Variants in GRK6 observed in about 807,000 individuals in gnomAD.
GRK6 encodes the protein G protein-coupled receptor kinase 6.
Under a neutral mutation model 80.8 loss-of-function variants are expected in GRK6, and 37 were observed. The observed-to-expected ratio is 0.46, with a 90% CI of 0.35 to 0.60. The LOEUF (loss-of-function observed/expected upper bound fraction) is 0.60, where lower values mean the gene tolerates loss of function less well. Among genes scored for constraint, GRK6 ranks in the 20% least tolerant of loss-of-function variants. The pLI is 0.00. For missense variants in GRK6, 560 were observed against 784.6 expected (o/e 0.71, Z 3.42); for synonymous variants, 295 against 320.9 (o/e 0.92, Z 0.86).
chr5:177,426,258 A>T (rs967196711), upstream of GRK6, among the ~76,000 whole-genome samples: 1 of 152,248 alleles, frequency 6.6e-6, no homozygotes, highest in African/African-American at 2.4e-5. Flanking sequence ...TCTGCGAGCC[A>T]AAGGCCGCCG....
At position 177,433,587 on chromosome 5, in the gene GRK6, C is replaced by G. The variant is rs1481279014; in HGVS notation, c.649C>G (p.Leu217Val). 6.2e-7 allele frequency: 1 copy of G among 1,613,952 alleles called. No homozygotes were observed. Residue 217 changes from leucine to valine, a missense_variant, in exon 8 of 16, where the codon CTA (leucine) becomes GTA (valine). Transcript: ENST00000355472. ...ATGKMYACKK[L>V]EKKRIKKRKG... ...AGGTAAGATGTATGCCTGCAAGAAG[C>G]TAGAGAAAAAGCGGATCAAGAAGCG...
chr5:177,441,075 C>G (rs1411698155), intron 15 of GRK6, 22 bp downstream of exon 15: 5 of 1,611,800 alleles, frequency 3.1e-6, no homozygotes, highest in Non-Finnish European at 4.2e-6. Context: ...CAGCGGCCTA[C>G]CTGGGCCCCT....
In GRK6 at chr5:177,434,024, C is replaced by T. The variant is rs772133789; in HGVS notation, c.849C>T (p.Phe283=). The change falls in exon 9 of 16, where the codon TTC becomes TTT. Residue 283 remains phenylalanine, a synonymous_variant. Transcript: ENST00000355472. ...FHIYHMGQAG[F]PEARAVFYAA... ...TCTACCACATGGGCCAGGCTGGCTTCCCCGAAGCGCGGGCCGTCTTCTACG... is the reference window on the plus strand; with the variant it reads ...TCTACCACATGGGCCAGGCTGGCTTTCCCGAAGCGCGGGCCGTCTTCTACG... 1.1e-5 allele frequency: 17 copies of T among 1,612,392 alleles called. No homozygotes were observed. In the South Asian group the frequency reaches 1.9e-4, roughly 18 times the overall value.
chr5:177,440,622 G>T, intron 13 of GRK6, 78 bp from the exon 14 acceptor site: 1 of 1,559,846 alleles, frequency 6.4e-7, no homozygotes, highest in South Asian at 1.2e-5. Flanking sequence ...GCCAAGACCC[G>T]AGGCAGAATC....
chr5:177,436,862 G>C (rs761472068), intron 13 of GRK6, among the ~76,000 whole-genome samples: 1 of 152,106 alleles, frequency 6.6e-6, no homozygotes, highest in Non-Finnish European at 1.5e-5. Context: ...CACCACAGTA[G>C]ACAGAGAGCT....
chr5:177,436,166 C>T lies in GRK6; in HGVS notation c.1151C>T (p.Pro384Leu), dbSNP rs1412602319. The T allele has an allele frequency of 1.2e-6, 2 of 1,614,074 alleles. No homozygotes were observed. Among genetic ancestry groups the T allele is most frequent in the Non-Finnish European group, 1.7e-6 (2 of 1,180,036 alleles). The change falls in exon 12 of 16, where the codon CCC becomes CTC. Residue 384 changes from proline (P) to leucine (L), a missense_variant. This residue lies in a region of GRK6 where 294 missense variants were observed against 397.4 expected (regional missense o/e 0.74). Coordinates refer to ENST00000355472, the MANE Select transcript of GRK6 (RefSeq NM_001004106.3). ...TACGAGATGATCGCAGGCCAGTCGC[C>T]CTTCCAGCAGAGGAAGAAGAAGATC... is the stretch of plus-strand genomic sequence containing the variant. ...LLYEMIAGQS[P>L]FQQRKKKIKR...
chr5:177,429,432 G>A lies in GRK6; in HGVS notation c.53-1440G>A, dbSNP rs1480276974. Among the ~76,000 whole-genome samples the A allele has an allele frequency of 6.6e-6, 1 of 152,186 alleles. No homozygotes were observed. The highest frequency in any genetic ancestry group is 2.4e-5 in the African/African-American group (1 of 41,442). On this transcript the variant is annotated intron_variant, in intron 1 of 15. Coordinates refer to ENST00000355472, the MANE Select transcript of GRK6 (RefSeq NM_001004106.3). This position sits in a 1 kb window ranked among gnomAD's most constrained non-coding sequence, Gnocchi z 4.3. Reference sequence around the variant, plus strand: ...GTGGGAGGCTGGCGGATGGAGGGTTGGGTGAGGGACCTGTGGGTGTGGGGG... The same window carrying A: ...GTGGGAGGCTGGCGGATGGAGGGTTAGGTGAGGGACCTGTGGGTGTGGGGG...
At chr5:177,438,203 T>C (rs907317566) in intron 13 of GRK6, among the ~76,000 whole-genome samples, 16 of 152,080 alleles carry the variant, frequency 1.1e-4, no homozygotes, top group African/African-American at 3.6e-4. Context: ...ACCCCATCTC[T>C]ACTAAAAATA....
At position 177,433,862 on chromosome 5, in the gene GRK6, C is replaced by T. The variant is rs540425575; in HGVS notation, c.739-52C>T. 2,235 of 1,508,022 alleles carry T rather than the reference C, an allele frequency of 1.5e-3. 3 individuals are homozygous for T. Among genetic ancestry groups the T allele is most frequent in the Non-Finnish European group, 1.8e-3 (2,041 of 1,126,986 alleles). The allele number at this position is 1,508,022 out of a possible 1,614,324, so 93.4% of individuals were successfully genotyped here. The stretch of plus-strand genomic sequence containing the variant: ...AGAAGGCTTTTTTGGGCAGCCCTGC[C>T]GCCAAGCGCCCCGCAGCTCCTGCCT... On this transcript the variant is annotated intron_variant, in intron 8 of 15. Coordinates refer to ENST00000355472, the MANE Select transcript of GRK6 (RefSeq NM_001004106.3).
At chr5:177,441,715 C>G (rs749166084) in intron 15 of GRK6, 22 bp from the exon 16 acceptor site, 1 of 1,592,004 alleles carries the variant, frequency 6.3e-7, no homozygotes, top group Non-Finnish European at 8.6e-7. Context: ...TCCCTCCCTC[C>G]GTGTCTTCCC....
chr5:177,436,562 G>A (rs750561709), intron 13 of GRK6, 32 bp downstream of exon 13: 14 of 1,533,176 alleles, frequency 9.1e-6, no homozygotes, highest in Admixed American at 2.0e-5. Flanking sequence ...TGAGGGCGGG[G>A]CCCAGCCAGG....
At chr5:177,431,907 TG>T (rs1763908219) in intron 2 of GRK6, 87 bp from the exon 3 acceptor site, 3 of 1,140,896 alleles carry the variant, frequency 2.6e-6, no homozygotes, top group African/African-American at 3.0e-5. Flanking sequence ...GAAGCTGTTG[TG>T]GGGGCCCAGG....
intron 13 of GRK6, among the ~76,000 whole-genome samples, chr5:177,439,650 A>G (rs533787533): frequency 5.9e-5 from 9 of 152,066 alleles, no homozygotes; most frequent in Non-Finnish European, 8.8e-5. Context: ...AAAAAAAAAA[A>G]AACCCATACC....
At chr5:177,441,201 TC>T in intron 15 of GRK6, 148 bp downstream of exon 15, 1 of 1,478,442 alleles carries the variant, frequency 6.8e-7, no homozygotes, top group Non-Finnish European at 9.3e-7. Context: ...TTCCCGCCTG[TC>T]CCCCACCCCT....
chr5:177,433,768 C>T, intron 8 of GRK6, 92 bp downstream of exon 8: 1 of 1,550,122 alleles, frequency 6.5e-7, no homozygotes, highest in Admixed American at 1.8e-5. Flanking sequence ...ATGTGGGATG[C>T]CAGGAAGGGC....
At chr5:177,434,412 C>T (rs998523710) in intron 9 of GRK6, among the ~76,000 whole-genome samples, 2 of 152,184 alleles carry the variant, frequency 1.3e-5, no homozygotes, top group African/African-American at 4.8e-5. Flanking sequence ...GACTATAATT[C>T]CTACTTCCCA....
At chr5:177,433,004 C>G in intron 5 of GRK6, 143 bp from the exon 6 acceptor site, 1 of 793,892 alleles carries the variant, frequency 1.3e-6, no homozygotes. Context: ...TGTGTGTCTC[C>G]CCGCTCAGGG....
At chr5:177,427,609 A>T (rs1470241642) in intron 1 of GRK6, among the ~76,000 whole-genome samples, 1 of 152,164 alleles carries the variant, frequency 6.6e-6, no homozygotes, top group African/African-American at 2.4e-5. Flanking sequence ...AGATGTTATC[A>T]GGCACTTGCT....
chr5:177,435,166 C>T (rs1301624159), intron 11 of GRK6, 45 bp downstream of exon 11: 11 of 1,431,224 alleles, frequency 7.7e-6, no homozygotes, highest in Non-Finnish European at 1.1e-5. Flanking sequence ...GGTTCCCTCA[C>T]TATCCACCCA....
Sources: gnomAD v4.1 joint callset for allele counts (sites outside exome capture counted in the v4.1 genomes callset) on GRCh38, gnomAD v4.1.1 for gene constraint, gnomAD v4.1.1 regional missense constraint, Gnocchi (gnomAD v3.1) non-coding constraint, MANE v1.5 for transcripts, NCBI Gene and HGNC (gene_info 2026-07-23, HGNC 2026-07-21) for gene names.